Variants in S100A4 observed in about 807,000 individuals in gnomAD.
S100A4 encodes the protein protein S100-A4.
A neutral mutation model predicts 6.3 loss-of-function variants in S100A4; 4 were observed. The observed-to-expected ratio is 0.64, with a 90% CI of 0.31 to 1.46. S100A4 has a LOEUF of 1.46. Among genes scored for constraint, S100A4 ranks in the 40% most tolerant of loss-of-function variants. S100A4 has a pLI of 0.07. For missense variants in S100A4, 108 were observed against 120.8 expected, an observed-to-expected ratio of 0.89 and a Z score of 0.50; for synonymous variants, 44 against 47.6, an observed-to-expected ratio of 0.92 and a Z score of 0.32.
At chr1:153,544,505 C>A (rs1273703240) in intron 2 of S100A4, 149 bp downstream of exon 2, 2 of 978,014 alleles carry the variant, frequency 2.0e-6, no homozygotes, top group Admixed American at 4.0e-5. Context: ...TGGGGCCAGG[C>A]AGTGAGTGGT....
At chr1:153,544,152 G>C (rs1665480015) in intron 2 of S100A4, among the ~76,000 whole-genome samples, 1 of 152,196 alleles carries the variant, frequency 6.6e-6, no homozygotes, top group African/African-American at 2.4e-5. Context: ...TTTCACCCAA[G>C]GTTGTTCTAA....
At chr1:153,545,253 A>T (rs1665523646) in intron 1 of S100A4, among the ~76,000 whole-genome samples, 1 of 152,162 alleles carries the variant, frequency 6.6e-6, no homozygotes, top group Non-Finnish European at 1.5e-5. Context: ...CAGCATGGGG[A>T]GGGGCAAAGT....
intron 2 of S100A4, 108 bp from the exon 3 acceptor site, chr1:153,544,031 G>A: frequency 2.4e-6 from 3 of 1,246,544 alleles, no homozygotes; most frequent in South Asian, 2.9e-5. Flanking sequence ...TCCTTTGGGA[G>A]GTCCAGTTTG....
rs1410710302 is a variant in S100A4 at position 153,544,680 on chromosome 1, T to C, written c.115A>G (p.Thr39Ala). 6.2e-7 allele frequency: 1 copy of C among 1,614,080 alleles called. No homozygotes were observed. Among genetic ancestry groups the C allele is most frequent in the East Asian group, 2.2e-5 (1 of 44,888 alleles). ...LNKSELKELL[T>A]RELPSFLGKR... The stretch of plus-strand genomic sequence containing the variant: ...CCCAAGAAGCTGGGCAGCTCCCGGG[T>C]CAGCAGCTCCTTTAGTTCTGACTTG... The change falls in exon 2 of 3, where the codon ACC becomes GCC. Residue 39 changes from threonine (T) to alanine (A), a missense_variant. Coordinates refer to ENST00000368716, the MANE Select transcript of S100A4 (RefSeq NM_002961.3).
At chr1:153,544,927 T>A in intron 1 of S100A4, 118 bp from the exon 2 acceptor site, 1 of 1,320,070 alleles carries the variant, frequency 7.6e-7, no homozygotes, top group Non-Finnish European at 1.0e-6. Flanking sequence ...GCTCCCTCCC[T>A]GGGGGAGCCC....
At chr1:153,544,587 C>A (rs1277784206) in intron 2 of S100A4, 67 bp downstream of exon 2, 2 of 1,601,026 alleles carry the variant, frequency 1.2e-6, no homozygotes, top group African/African-American at 2.7e-5. Flanking sequence ...TGCTCTAGAG[C>A]AAGACTGCTG....
chr1:153,544,275 C>T (rs1665484579), intron 2 of S100A4, among the ~76,000 whole-genome samples: 2 of 152,190 alleles, frequency 1.3e-5, no homozygotes, highest in African/African-American at 4.8e-5. Flanking sequence ...GTGATCATCT[C>T]CACATCTGTG....
In S100A4 at chr1:153,545,615, C is replaced by G. The variant is rs1362487259; in HGVS notation, c.-16+138G>C. 2 of 152,412 alleles carry G rather than the reference C, an allele frequency of 1.3e-5. 1 individual carries two copies. Among genetic ancestry groups the G allele is most frequent in the Non-Finnish European group, 2.9e-5 (2 of 68,112 alleles). The allele number at this position is 152,412 out of a possible 1,614,324, so 9.4% of individuals were successfully genotyped here. A position where few individuals can be genotyped will look rare whatever the true frequency, so the allele number is the denominator to read the frequency against. On this transcript the variant is annotated intron_variant, in intron 1 of 2. Coordinates refer to ENST00000368716, the MANE Select transcript of S100A4 (RefSeq NM_002961.3). ...TGTGTGCCATGCACACCCACGCACACAATCCACCCAGAGTTCCACATCAGA... is the reference window on the plus strand; with the variant it reads ...TGTGTGCCATGCACACCCACGCACAGAATCCACCCAGAGTTCCACATCAGA...
Position 153,543,786 on chromosome 1 carries a change from G to A in S100A4, c.279C>T (p.Phe93=). Reference sequence around the variant, plus strand: ...ATTTCTTCCTGGGCTGCTTATCTGGGAAGCCTTCAAAGAATTCGTTACACA... The same window carrying A: ...ATTTCTTCCTGGGCTGCTTATCTGGAAAGCCTTCAAAGAATTCGTTACACA... ...AMMCNEFFEG[F]PDKQPRKK is the part of the protein sequence containing the mutation. The change falls in exon 3 of 3, where the codon TTC becomes TTT. Residue 93 remains phenylalanine (F), a synonymous_variant. Coordinates refer to ENST00000368716, the MANE Select transcript of S100A4 (RefSeq NM_002961.3). 1.9e-6 allele frequency: 3 copies of A among 1,614,086 alleles called. No individual in the cohort carries two copies. The highest frequency in any genetic ancestry group is 2.5e-6 in the Non-Finnish European group (3 of 1,179,998).
intron 2 of S100A4, among the ~76,000 whole-genome samples, chr1:153,544,403 ACTTAGCACTCTGAG>A (rs1665490238): frequency 6.6e-6 from 1 of 152,190 alleles, no homozygotes; most frequent in Admixed American, 6.5e-5. Context: ...TTGGGAAGTT[ACTTAGCACTCTGAG>A]CTTAGTCTTC....
At chr1:153,544,322 T>A (rs1296872054) in intron 2 of S100A4, among the ~76,000 whole-genome samples, 2 of 152,176 alleles carry the variant, frequency 1.3e-5, no homozygotes, top group African/African-American at 2.4e-5. Context: ...ACTCAAACAG[T>A]GTCCACTGTT....
chr1:153,543,664 C>G lies in S100A4; in HGVS notation c.*95G>C. 8.4e-7 allele frequency: 1 copy of G among 1,183,932 alleles called. No individual in the cohort carries two copies. Among genetic ancestry groups the G allele is most frequent in the South Asian group, 1.4e-5 (1 of 70,880 alleles). 73.3% of individuals were successfully genotyped at this position (1,183,932 alleles called of 1,614,324 possible). A position where few individuals can be genotyped will look rare whatever the true frequency, so the allele number is the denominator to read the frequency against. ...TATTGAACTTGCTCAGCATCAAGCA[C>G]GTGTCTGAAGGAGCCAGGGTGGAAA... is the stretch of plus-strand genomic sequence containing the variant. On this transcript the variant is annotated 3_prime_UTR_variant, in exon 3 of 3. Coordinates refer to ENST00000368716, the MANE Select transcript of S100A4 (RefSeq NM_002961.3).
At position 153,543,761 on chromosome 1, in the gene S100A4, A is replaced by G; in HGVS notation, c.304T>C (p.Ter102ArgextTer4). The G allele has an allele frequency of 6.2e-7, 1 of 1,613,534 alleles. No homozygotes were observed. The highest frequency in any genetic ancestry group is 8.5e-7 in the Non-Finnish European group (1 of 1,179,794). ...CCCCAACCACATCAGAGGAGTTTTC[A>G]TTTCTTCCTGGGCTGCTTATCTGGG... is the stretch of plus-strand genomic sequence containing the variant. The part of the protein sequence containing the change: ...GFPDKQPRKK[*>R] Residue 102 changes from the stop codon to arginine, a stop_lost, in exon 3 of 3, where the codon TGA becomes CGA. Transcript: ENST00000368716.
At position 153,543,896 on chromosome 1, in the gene S100A4, T is replaced by C. The variant is rs754093018; in HGVS notation, c.169A>G (p.Lys57Glu). ...GKRTDEAAFQKLMSNLDSNRD... is the reference protein window; with the variant it reads ...GKRTDEAAFQELMSNLDSNRD... ...TTGCTGTCCAAGTTGCTCATCAGCTTCTGGAAAGCAGCTTCATCTGTCCTT... is the reference window on the plus strand; with the variant it reads ...TTGCTGTCCAAGTTGCTCATCAGCTCCTGGAAAGCAGCTTCATCTGTCCTT... The change falls in exon 3 of 3, where the codon AAG becomes GAG. Residue 57 changes from lysine (K) to glutamate (E), a missense_variant. Physicochemically the swap from Lys to Glu is moderately conservative, Grantham distance 56. Transcript: ENST00000368716. The C allele has an allele frequency of 5.1e-5, 82 of 1,614,036 alleles. No individual in the cohort carries two copies. The highest frequency in any genetic ancestry group is 6.2e-5 in the Non-Finnish European group (73 of 1,180,046).
At chr1:153,544,864 T>C (rs1174237325) in intron 1 of S100A4, 55 bp from the exon 2 acceptor site, 1 of 1,598,576 alleles carries the variant, frequency 6.3e-7, no homozygotes, top group Non-Finnish European at 8.5e-7. Flanking sequence ...CAGAGATGTG[T>C]TCAGAATGCC....
rs111468775 is a variant in S100A4, at chr1:153,543,861, G to A, written c.204C>T (p.Asn68=). ...CACAGTACTCTTGGAAGTCCACCTC[G>A]TTGTCCCTGTTGCTGTCCAAGTTGC... is the stretch of plus-strand genomic sequence containing the variant. ...LMSNLDSNRD[N]EVDFQEYCVF... The change falls in exon 3 of 3, where the codon AAC becomes AAT. Residue 68 remains asparagine (N), a synonymous_variant. Coordinates refer to ENST00000368716, the MANE Select transcript of S100A4 (RefSeq NM_002961.3). The A allele has an allele frequency of 2.3e-4, 368 of 1,614,162 alleles. 1 individual carries two copies. The African/African-American group carries it at 2.4e-3, about 10-fold the overall frequency.
intron 2 of S100A4, among the ~76,000 whole-genome samples, chr1:153,544,374 G>T (rs1446401850): frequency 2.0e-5 from 3 of 152,222 alleles, no homozygotes; most frequent in Non-Finnish European, 4.4e-5. Flanking sequence ...CCGGATGGCA[G>T]TTGTGTACAC....
At position 153,544,747 on chromosome 1, in the gene S100A4, G is replaced by C. The variant is rs1665505848; in HGVS notation, c.48C>G (p.Phe16Leu). The C allele has an allele frequency of 6.2e-7, 1 of 1,614,106 alleles. No individual in the cohort carries two copies. Among genetic ancestry groups the C allele is most frequent in the African/African-American group, 1.3e-5 (1 of 74,924 alleles). The part of the protein sequence containing the change: ...EKALDVMVST[F>L]HKYSGKEGDK... ...CACCCTCTTTGCCCGAGTACTTGTG[G>C]AAGGTGGACACCATCACATCCAGGG... The change falls in exon 2 of 3, where the codon TTC becomes TTG. Residue 16 changes from phenylalanine to leucine, a missense_variant. Coordinates refer to ENST00000368716, the MANE Select transcript of S100A4 (RefSeq NM_002961.3).
Position 153,544,668 on chromosome 1 carries a change from G to A in S100A4, c.127C>T (p.Pro43Ser), listed in dbSNP as rs781078576. ...TACCCACTCACCCCCAAGAAGCTGG[G>A]CAGCTCCCGGGTCAGCAGCTCCTTT... is the stretch of plus-strand genomic sequence containing the variant. Reference protein sequence around the residue: ...ELKELLTRELPSFLGKRTDEA... With the variant: ...ELKELLTRELSSFLGKRTDEA... Residue 43 changes from proline (P) to serine (S), a missense_variant, in exon 2 of 3, where the codon CCC (proline) becomes TCC (serine). Physicochemically the swap from Pro to Ser is moderately conservative, Grantham distance 74. Transcript: ENST00000368716. 3.7e-6 allele frequency: 6 copies of A among 1,614,224 alleles called. No individual in the cohort carries two copies. The highest frequency in any genetic ancestry group is 5.1e-6 in the Non-Finnish European group (6 of 1,180,026).
Sources: gnomAD v4.1 joint callset for allele counts (sites outside exome capture counted in the v4.1 genomes callset) on GRCh38, gnomAD v4.1.1 for gene constraint, MANE v1.5 for transcripts, NCBI Gene and HGNC (gene_info 2026-07-23, HGNC 2026-07-21) for gene names.